The following LMX1A variants were observed in gnomAD, a reference collection of about 807,000 sequenced individuals.
The protein encoded by LMX1A is LIM homeobox transcription factor 1-alpha.
A neutral mutation model predicts 49.1 loss-of-function variants in LMX1A; 15 were observed. That is an observed-to-expected ratio of 0.31 (90% CI 0.20 to 0.47). The LOEUF (loss-of-function observed/expected upper bound fraction) is 0.47, where lower values mean the gene tolerates loss of function less well. Among genes scored for constraint, LMX1A ranks in the 20% least tolerant of loss-of-function variants. The pLI, the probability that LMX1A is intolerant of heterozygous loss-of-function variation, is 1.00. For synonymous variants in LMX1A, 167 were observed against 185.7 expected, an observed-to-expected ratio of 0.90 and a Z score of 0.82; for missense variants, 372 against 475.8, an observed-to-expected ratio of 0.78 and a Z score of 2.03.
chr1:165,314,512 G>T (rs1655164289), intron 3 of LMX1A, among the ~76,000 whole-genome samples: 1 of 152,126 alleles, frequency 6.6e-6, no homozygotes, highest in South Asian at 2.1e-4. Context: ...CCATCTTATT[G>T]ACCTTTTTCC....
At position 165,292,522 on chromosome 1, in the gene LMX1A, G is replaced by A. The variant is rs150847899; in HGVS notation, c.264-42882C>T. Among the ~76,000 whole-genome samples, 643 of 152,274 alleles carry A rather than the reference G, an allele frequency of 4.2e-3. 4 individuals are homozygous for A. Among genetic ancestry groups the A allele is most frequent in the African/African-American group, 0.015 (624 of 41,536 alleles). The stretch of plus-strand genomic sequence containing the variant: ...GAGCAGGTGGCTTCCAACCGGGAGG[G>A]TCACCTGTGCGGCAGGATTATTGAG... On this transcript the variant is annotated intron_variant, in intron 3 of 8. Transcript: ENST00000342310.
intron 3 of LMX1A, among the ~76,000 whole-genome samples, chr1:165,283,655 G>A (rs1371836383): frequency 6.6e-6 from 1 of 152,044 alleles, no homozygotes; most frequent in Non-Finnish European, 1.5e-5. Context: ...TTTTTCATTT[G>A]CTTGTTTATT....
At chr1:165,302,050 G>C (rs1654795917) in intron 3 of LMX1A, among the ~76,000 whole-genome samples, 1 of 152,144 alleles carries the variant, frequency 6.6e-6, no homozygotes. Context: ...ACTTCCCCAA[G>C]TTCACACAGA....
chr1:165,224,449 T>C (rs918474432), intron 4 of LMX1A, among the ~76,000 whole-genome samples: 7 of 152,186 alleles, frequency 4.6e-5, no homozygotes, highest in East Asian at 1.9e-4. Context: ...CCCAACAAGA[T>C]AGTTACAGGA....
intron 3 of LMX1A, among the ~76,000 whole-genome samples, chr1:165,296,700 T>C (rs533916253): frequency 1.3e-5 from 2 of 152,382 alleles, no homozygotes; most frequent in East Asian, 3.9e-4. Context: ...TCTGCCCCTT[T>C]TCCCTCTCAC....
intron 3 of LMX1A, among the ~76,000 whole-genome samples, chr1:165,310,455 TCAAAAGC>T (rs926867998): frequency 1.6e-4 from 25 of 152,170 alleles, no homozygotes; most frequent in African/African-American, 6.0e-4. Context: ...GTTGCCTCTA[TCAAAAGC>T]CACAGGGCAC....
At chr1:165,243,488 C>T (rs917321837) in intron 4 of LMX1A, among the ~76,000 whole-genome samples, 9 of 152,206 alleles carry the variant, frequency 5.9e-5, no homozygotes, top group African/African-American at 2.2e-4. Flanking sequence ...GTATCCCCTT[C>T]TTGGTTGTAC....
At chr1:165,319,033 ACACACACACC>A (rs1343394757) in intron 3 of LMX1A, among the ~76,000 whole-genome samples, 458 of 143,652 alleles carry the variant, frequency 3.2e-3, no homozygotes, top group African/African-American at 0.011. Flanking sequence ...ACACACACAC[ACACACACACC>A]CCAACTTCTT....
Position 165,213,701 on chromosome 1 carries a change from T to C in LMX1A, c.609A>G (p.Thr203=), listed in dbSNP as rs765454747. The change falls in exon 5 of 9, where the codon ACA becomes ACG. Residue 203 remains threonine (T), a synonymous_variant. Transcript: ENST00000342310. ...KRPKRPRTIL[T]TQQRRAFKAS... is the part of the protein sequence containing the mutation. ...CCTTGAATGCTCGCCTCTGTTGAGT[T>C]GTCAAGATGGTTCTCGGACGTTTGG... is the stretch of plus-strand genomic sequence containing the variant. 5 of 1,614,258 alleles carry C rather than the reference T, an allele frequency of 3.1e-6. No homozygotes were observed. The highest frequency in any genetic ancestry group is 4.2e-6 in the Non-Finnish European group (5 of 1,180,036).
At chr1:165,213,846 C>T in intron 4 of LMX1A, 33 bp from the exon 5 acceptor site, 1 of 1,605,702 alleles carries the variant, frequency 6.2e-7, no homozygotes, top group South Asian at 1.1e-5. Context: ...TTGTGAGTCC[C>T]TGAAAGCCAG....
intron 3 of LMX1A, among the ~76,000 whole-genome samples, chr1:165,310,783 A>C (rs1655053690): frequency 6.6e-6 from 1 of 152,338 alleles, no homozygotes; most frequent in Admixed American, 6.5e-5. Context: ...AAGTGAGGAG[A>C]GCTCAACTCT....
At chr1:165,297,699 C>A (rs1010023619) in intron 3 of LMX1A, among the ~76,000 whole-genome samples, 3 of 152,110 alleles carry the variant, frequency 2.0e-5, no homozygotes, top group Admixed American at 1.3e-4. Context: ...AGGGCTGTGT[C>A]CCAAATGACC....
chr1:165,249,741 G>A (rs1652988357), intron 3 of LMX1A, 101 bp from the exon 4 acceptor site: 2 of 767,328 alleles, frequency 2.6e-6, no homozygotes, highest in African/African-American at 1.7e-5. Context: ...CAAGAACTGG[G>A]ATATGAACGT....
intron 6 of LMX1A, among the ~76,000 whole-genome samples, chr1:165,210,276 C>T (rs1164010008): frequency 1.3e-5 from 2 of 152,176 alleles, no homozygotes; most frequent in Non-Finnish European, 2.9e-5. Context: ...TTAGTGAGGG[C>T]TGGGCCCTGG....
At chr1:165,330,424 T>C (rs982966423) in intron 3 of LMX1A, among the ~76,000 whole-genome samples, 1 of 152,208 alleles carries the variant, frequency 6.6e-6, no homozygotes, top group Non-Finnish European at 1.5e-5. Flanking sequence ...TGAGCCAAGA[T>C]CATGCCACTG....
chr1:165,228,373 C>T (rs1571161798), intron 4 of LMX1A, among the ~76,000 whole-genome samples: 2 of 152,270 alleles, frequency 1.3e-5, no homozygotes, highest in South Asian at 4.2e-4. Context: ...TCTTTTGTTG[C>T]TAATTTGTAG....
intron 2 of LMX1A, among the ~76,000 whole-genome samples, chr1:165,354,319 A>G (rs551692624): frequency 1.4e-4 from 21 of 152,248 alleles, no homozygotes; most frequent in African/African-American, 5.1e-4. Context: ...GGTTAGGAGA[A>G]GCAGCGAGAT....
In LMX1A at chr1:165,310,254, C is replaced by G. The variant is rs139350961; in HGVS notation, c.263+42822G>C. Among the ~76,000 whole-genome samples the G allele has an allele frequency of 5.8e-3, 878 of 152,298 alleles. 9 individuals are homozygous for G. The highest frequency in any genetic ancestry group is 0.019 in the African/African-American group (801 of 41,572). ...TGACAAAATGATACTTCCTCTTTAA[C>G]CCAGATTTGGTCTCTTTCCACCCTC... On this transcript the variant is annotated intron_variant, in intron 3 of 8. Transcript: ENST00000342310.
chr1:165,330,074 A>G (rs1655701979), intron 3 of LMX1A, among the ~76,000 whole-genome samples: 1 of 152,240 alleles, frequency 6.6e-6, no homozygotes, highest in Non-Finnish European at 1.5e-5. Flanking sequence ...AATTGCACTT[A>G]TTTCATCTTC....
Sources: allele counts gnomAD v4.1 joint callset (sites outside exome capture counted in the v4.1 genomes callset), GRCh38; gene constraint gnomAD v4.1.1; transcripts MANE v1.5; gene names NCBI Gene and HGNC (gene_info 2026-07-23, HGNC 2026-07-21).